Variants in DISC1 observed in about 807,000 individuals in gnomAD.
DISC1 encodes the protein DISC1 scaffold protein.
Under a neutral mutation model 84.5 loss-of-function variants are expected in DISC1, and 57 were observed. The observed-to-expected ratio is 0.67, with a 90% CI of 0.55 to 0.84. DISC1 has a LOEUF of 0.84. Among genes scored for constraint, DISC1 ranks in the 40% least tolerant of loss-of-function variants. DISC1 has a pLI of 0.00. For synonymous variants in DISC1, 411 were observed against 415.2 expected (o/e 0.99, Z 0.12); for missense variants, 1,000 against 1,057.8 (o/e 0.95, Z 0.76).
intron 3 of DISC1, among the ~76,000 whole-genome samples, chr1:231,719,180 T>C (rs1272926967): frequency 6.6e-6 from 1 of 152,188 alleles, no homozygotes; most frequent in East Asian, 1.9e-4. Flanking sequence ...GCTTGGTATA[T>C]TCTCTATCCT....
At chr1:231,961,245 CTG>C (rs1048650514) in intron 10 of DISC1, among the ~76,000 whole-genome samples, 1 of 152,192 alleles carries the variant, frequency 6.6e-6, no homozygotes, top group African/African-American at 2.4e-5. Flanking sequence ...CCCACAGGGC[CTG>C]TGTGTTCAGA....
intron 1 of DISC1, among the ~76,000 whole-genome samples, chr1:231,688,210 ATGAG>A (rs551467264): frequency 5.9e-5 from 9 of 152,204 alleles, no homozygotes; most frequent in Admixed American, 5.9e-4. Context: ...TGGTGCTTGT[ATGAG>A]TATGTACAAA....
At chr1:231,641,444 C>T (rs1325789545) in intron 1 of DISC1, among the ~76,000 whole-genome samples, 2 of 151,918 alleles carry the variant, frequency 1.3e-5, no homozygotes, top group Non-Finnish European at 2.9e-5. Context: ...GTCTCGTTGG[C>T]TTCAGGAGTG....
chr1:231,970,747 AT>A (rs1482447629), intron 10 of DISC1, among the ~76,000 whole-genome samples: 9 of 152,228 alleles, frequency 5.9e-5, no homozygotes, highest in African/African-American at 2.2e-4. Context: ...GGTTTGCGCA[AT>A]TCAACCCAAA....
chr1:231,842,915 A>G (rs2083178837), intron 9 of DISC1, among the ~76,000 whole-genome samples: 1 of 152,232 alleles, frequency 6.6e-6, no homozygotes, highest in Non-Finnish European at 1.5e-5. Flanking sequence ...CTTATGTGCC[A>G]TTAGATTCAT....
At chr1:231,797,618 A>G (rs1304273476) in intron 7 of DISC1, among the ~76,000 whole-genome samples, 1 of 152,094 alleles carries the variant, frequency 6.6e-6, no homozygotes, top group Admixed American at 6.6e-5. Flanking sequence ...TCATGACCTG[A>G]TCACCTCCCA....
chr1:231,985,382 C>T (rs534261466), intron 10 of DISC1, among the ~76,000 whole-genome samples: 125 of 151,220 alleles, frequency 8.3e-4, no homozygotes, highest in Non-Finnish European at 1.4e-3. Context: ...GTACCCCCTT[C>T]AGTGTGTTAT....
At chr1:231,854,573 G>T (rs2084124658) in intron 9 of DISC1, among the ~76,000 whole-genome samples, 1 of 151,998 alleles carries the variant, frequency 6.6e-6, no homozygotes, top group Admixed American at 6.6e-5. Context: ...TTAAATCTTT[G>T]CAAGGCCTCC....
chr1:231,706,368 G>C (rs1412520896), intron 3 of DISC1, among the ~76,000 whole-genome samples: 7 of 152,290 alleles, frequency 4.6e-5, no homozygotes, highest in Non-Finnish European at 7.4e-5. Flanking sequence ...GTGGGGCAGA[G>C]AAAAGGTGGG....
intron 9 of DISC1, among the ~76,000 whole-genome samples, chr1:231,857,938 A>G (rs1038852425): frequency 2.0e-5 from 3 of 152,198 alleles, no homozygotes; most frequent in Non-Finnish European, 4.4e-5. Flanking sequence ...AATTTCCCTG[A>G]AGGCACTGGA....
At chr1:231,901,584 T>C (rs1318703451) in intron 9 of DISC1, among the ~76,000 whole-genome samples, 1 of 152,194 alleles carries the variant, frequency 6.6e-6, no homozygotes, top group Non-Finnish European at 1.5e-5. Context: ...CTGTGCACCT[T>C]TAATGAAATC....
rs186291388 is a variant in DISC1, at chr1:231,959,492, G to A, written c.2042+604G>A. ...TAATTAAGGCAACAAGTACTAGAGTGGAATATGCGCTTTCTTCCCTGGAAG... is the reference window on the plus strand; with the variant it reads ...TAATTAAGGCAACAAGTACTAGAGTAGAATATGCGCTTTCTTCCCTGGAAG... On this transcript the variant is annotated intron_variant, in intron 10 of 12. Coordinates refer to ENST00000439617, the MANE Select transcript of DISC1 (RefSeq NM_018662.3). The A allele has an allele frequency of 2.8e-3, 2,751 of 985,454 alleles. 4 individuals are homozygous for A. The highest frequency in any genetic ancestry group is 3.1e-3 in the Non-Finnish European group (2,546 of 829,966). The allele number at this position is 985,454 out of a possible 1,614,324, so 61.0% of individuals were successfully genotyped here. A position where few individuals can be genotyped will look rare whatever the true frequency, so the allele number is the denominator to read the frequency against.
At chr1:231,996,508 G>A (rs1412011998) in intron 10 of DISC1, among the ~76,000 whole-genome samples, 2 of 152,092 alleles carry the variant, frequency 1.3e-5, no homozygotes, top group African/African-American at 4.8e-5. Context: ...CCAAGAAATG[G>A]AGTAAAATAC....
At chr1:231,786,147 C>T (rs1005163727) in intron 6 of DISC1, among the ~76,000 whole-genome samples, 3 of 151,928 alleles carry the variant, frequency 2.0e-5, no homozygotes, top group African/African-American at 7.3e-5. Flanking sequence ...TTTATAAAAC[C>T]TTTGTGTTTT....
Position 232,031,266 on chromosome 1 carries a change from TAAA to T in DISC1, c.2425+4715_2425+4717del, listed in dbSNP as rs946987538. 6.7e-5 allele frequency among the ~76,000 whole-genome samples: 7 copies of T among 104,584 alleles called. No individual in the cohort carries two copies. Among genetic ancestry groups the T allele is most frequent in the Admixed American group, 2.2e-4 (2 of 9,210 alleles). The allele number at this position is 104,584 out of a possible 152,430, so 68.6% of individuals were successfully genotyped here. A position where few individuals can be genotyped will look rare whatever the true frequency, so the allele number is the denominator to read the frequency against. ...GGAAGGAAGGAAGGAGAAAGAAAGA[TAAA>T]GAAAGAAAAAGAAAGAAAAGAGGAA... On this transcript the variant is annotated intron_variant, in intron 12 of 12. Transcript: ENST00000439617. The surrounding 1 kb of genome is among the most constrained non-coding windows in gnomAD (Gnocchi z 4.6).
At chr1:231,676,687 T>G (rs954194307) in intron 1 of DISC1, among the ~76,000 whole-genome samples, 2 of 152,224 alleles carry the variant, frequency 1.3e-5, no homozygotes, top group Admixed American at 6.5e-5. Flanking sequence ...TTCACATTCC[T>G]TCAGTGTAAT....
intron 3 of DISC1, among the ~76,000 whole-genome samples, chr1:231,748,995 A>G (rs1185835335): frequency 1.3e-5 from 2 of 152,084 alleles, no homozygotes; most frequent in Admixed American, 6.6e-5. Context: ...TGTCAATAGG[A>G]GTTGATGAGG....
At chr1:231,916,651 T>A in intron 9 of DISC1, among the ~76,000 whole-genome samples, 1 of 91,924 alleles carries the variant, frequency 1.1e-5, no homozygotes, top group Non-Finnish European at 2.0e-5. Context: ...CGAGACTCCG[T>A]CTCAAAAAAA....
intron 3 of DISC1, among the ~76,000 whole-genome samples, chr1:231,749,113 C>A (rs953250828): frequency 6.6e-6 from 1 of 152,188 alleles, no homozygotes; most frequent in Admixed American, 6.5e-5. Flanking sequence ...TGCATGCTGC[C>A]TTTCGGGACT....
Sources: gnomAD v4.1 joint callset for allele counts (sites outside exome capture counted in the v4.1 genomes callset) on GRCh38, gnomAD v4.1.1 for gene constraint, Gnocchi (gnomAD v3.1) non-coding constraint, MANE v1.5 for transcripts, NCBI Gene and HGNC (gene_info 2026-07-23, HGNC 2026-07-21) for gene names.